GFRAL: variants seen among roughly 807,000 people sequenced by gnomAD.
The protein encoded by GFRAL is GDNF family receptor alpha like.
In GFRAL, 36 loss-of-function variants were observed where a neutral mutation model predicts 45.4. The ratio of observed to expected loss-of-function variants is 0.79; its 90% CI spans 0.61 to 1.05. GFRAL has a LOEUF of 1.05. Ranked by LOEUF, GFRAL falls within the 50% of genes least tolerant of loss-of-function variation. The pLI is 0.00. For synonymous variants in GFRAL, 166 were observed against 154.1 expected, an observed-to-expected ratio of 1.08 and a Z score of -0.57; for missense variants, 507 against 467.5, an observed-to-expected ratio of 1.08 and a Z score of -0.78.
In GFRAL at chr6:55,392,515, T is replaced by C. The variant is rs558103288; in HGVS notation, c.953-6665T>C. Among the ~76,000 whole-genome samples, 61 of 152,296 alleles carry C rather than the reference T, an allele frequency of 4.0e-4. 1 individual carries two copies. The highest frequency in any genetic ancestry group is 3.4e-3 in the Middle Eastern group (1 of 294). On this transcript the variant is annotated intron_variant, in intron 6 of 8. Coordinates refer to ENST00000340465, the MANE Select transcript of GFRAL (RefSeq NM_207410.2). ...CCTGAATAGACAGCAGATTCTAAAT[T>C]CTCCATATCTCATGGGGACATGTTG...
chr6:55,367,549 C>T (rs1400361364), intron 6 of GFRAL, among the ~76,000 whole-genome samples: 94 of 150,814 alleles, frequency 6.2e-4, no homozygotes, highest in Admixed American at 1.9e-3. Context: ...ATGGTCTTTA[C>T]ATTTTGGCAT....
chr6:55,363,127 C>T (rs1417174303), intron 6 of GFRAL, among the ~76,000 whole-genome samples: 4 of 77,580 alleles, frequency 5.2e-5, no homozygotes, highest in Non-Finnish European at 2.3e-5. Context: ...GAAAACATAG[C>T]AATACAAAAA....
chr6:55,394,313 G>A (rs9475281), intron 6 of GFRAL, among the ~76,000 whole-genome samples: 2,054 of 152,226 alleles, frequency 0.013, 43 homozygotes, highest in African/African-American at 0.046. Context: ...AGATCACTCA[G>A]TAAGATTATT....
intron 8 of GFRAL, among the ~76,000 whole-genome samples, chr6:55,401,391 T>A (rs1445617396): frequency 6.6e-6 from 1 of 152,152 alleles, no homozygotes; most frequent in Non-Finnish European, 1.5e-5. Context: ...GAAAGAAGAA[T>A]GATTGCTATT....
Position 55,358,875 on chromosome 6 carries a change from A to G in GFRAL, c.702-13A>G. ...TATTCAAAACTAATTATTTTTCTTC[A>G]CTCTTTCTCTAGGAGGCACTATAGA... is the stretch of plus-strand genomic sequence containing the variant. On this transcript the variant is annotated splice_polypyrimidine_tract_variant and intron_variant, in intron 5 of 8. Coordinates refer to ENST00000340465, the MANE Select transcript of GFRAL (RefSeq NM_207410.2). 6.2e-7 allele frequency: 1 copy of G among 1,608,460 alleles called. No homozygotes were observed. Among genetic ancestry groups the G allele is most frequent in the Non-Finnish European group, 8.5e-7 (1 of 1,176,448 alleles).
At chr6:55,362,598 AAG>A (rs1768291282) in intron 6 of GFRAL, among the ~76,000 whole-genome samples, 2 of 152,026 alleles carry the variant, frequency 1.3e-5, no homozygotes, top group Non-Finnish European at 2.9e-5. Flanking sequence ...AGAGCCATGG[AAG>A]AGAGAGAAGT....
chr6:55,400,506 A>G (rs1166200430), intron 8 of GFRAL, among the ~76,000 whole-genome samples: 1 of 152,178 alleles, frequency 6.6e-6, no homozygotes, highest in Admixed American at 6.5e-5. Flanking sequence ...GTGTACGGTG[A>G]TACCAAGGGG....
At chr6:55,347,048 T>C (rs1768053183) in intron 3 of GFRAL, among the ~76,000 whole-genome samples, 2 of 151,914 alleles carry the variant, frequency 1.3e-5, no homozygotes, top group Admixed American at 6.6e-5. Flanking sequence ...TAAAATTTTA[T>C]AGGGTTGGAG....
intron 6 of GFRAL, among the ~76,000 whole-genome samples, chr6:55,396,100 G>A (rs764979128): frequency 3.3e-5 from 5 of 152,118 alleles, no homozygotes; most frequent in Non-Finnish European, 5.9e-5. Context: ...GGCAGGGAAG[G>A]AACTCCAGTG....
In GFRAL at chr6:55,351,515, A is replaced by C. The variant is rs762588135; in HGVS notation, c.633A>C (p.Ala211=). 18 of 1,612,964 alleles carry C rather than the reference A, an allele frequency of 1.1e-5. 1 individual carries two copies. Among genetic ancestry groups the C allele is most frequent in the Non-Finnish European group, 1.4e-5 (16 of 1,179,274 alleles). Residue 211 remains alanine (A), a synonymous_variant, in exon 5 of 9, where the codon GCA becomes GCC. Coordinates refer to ENST00000340465, the MANE Select transcript of GFRAL (RefSeq NM_207410.2). ...AAGCTCTTCACAGCAAGACATGTGC[A>C]GTGAACATGGTTCCACCCCCTACTT... ...SKEALHSKTC[A]VNMVPPPTCL...
intron 6 of GFRAL, among the ~76,000 whole-genome samples, chr6:55,389,045 A>T (rs1284299877): frequency 6.6e-6 from 1 of 152,156 alleles, no homozygotes; most frequent in Non-Finnish European, 1.5e-5. Context: ...CCAATGGTCT[A>T]CATCCTGACT....
At chr6:55,386,917 C>G (rs77828536) in intron 6 of GFRAL, among the ~76,000 whole-genome samples, 10,759 of 152,170 alleles carry the variant, frequency 0.071, 664 homozygotes, top group African/African-American at 0.16. Flanking sequence ...GGGCTATAAT[C>G]TGGAAATACT....
intron 6 of GFRAL, among the ~76,000 whole-genome samples, chr6:55,373,748 C>CTT (rs56959037): frequency 2.0e-5 from 3 of 148,650 alleles, no homozygotes; most frequent in African/African-American, 4.9e-5. Flanking sequence ...TTTTCTTCAA[C>CTT]TTTTTTTTTT....
intron 6 of GFRAL, among the ~76,000 whole-genome samples, chr6:55,396,875 G>A (rs1255216163): frequency 3.6e-5 from 5 of 139,938 alleles, no homozygotes; most frequent in African/African-American, 5.4e-5. Context: ...CAAGGGGGAA[G>A]CTTTTTTTTT....
chr6:55,372,894 T>C (rs1469425800), intron 6 of GFRAL, among the ~76,000 whole-genome samples: 1 of 152,132 alleles, frequency 6.6e-6, no homozygotes, highest in Non-Finnish European at 1.5e-5. Context: ...GACATCTTAA[T>C]GTTTTTCAAA....
At chr6:55,351,657 T>A in intron 5 of GFRAL, 74 bp downstream of exon 5, 2 of 1,019,686 alleles carry the variant, frequency 2.0e-6, no homozygotes, top group Non-Finnish European at 2.9e-6. Context: ...TAACACTTGA[T>A]CTCATAACAT....
At chr6:55,328,160 T>C (rs1767788793) in intron 1 of GFRAL, among the ~76,000 whole-genome samples, 2 of 151,980 alleles carry the variant, frequency 1.3e-5, no homozygotes, top group Admixed American at 1.3e-4. Context: ...TTCTCTTGTA[T>C]TGGATCCGAT....
intron 6 of GFRAL, among the ~76,000 whole-genome samples, chr6:55,389,484 A>G (rs558151748): frequency 4.3e-4 from 66 of 152,334 alleles, no homozygotes; most frequent in Admixed American, 8.5e-4. Flanking sequence ...TTTAAAAAAA[A>G]TAGCTCCTGT....
chr6:55,345,178 T>C (rs1280916398), intron 3 of GFRAL, among the ~76,000 whole-genome samples: 3 of 152,078 alleles, frequency 2.0e-5, no homozygotes, highest in Non-Finnish European at 2.9e-5. Context: ...CTTCACAGAA[T>C]TGGAAAAAAC....
Sources: gnomAD v4.1 joint callset for allele counts (sites outside exome capture counted in the v4.1 genomes callset) on GRCh38, gnomAD v4.1.1 for gene constraint, MANE v1.5 for transcripts, NCBI Gene and HGNC (gene_info 2026-07-23, HGNC 2026-07-21) for gene names.